Variants in IRX2 observed in about 807,000 individuals in gnomAD.
The protein encoded by IRX2 is iroquois-class homeodomain protein IRX-2.
In IRX2, 26 loss-of-function variants were observed where a neutral mutation model predicts 42.9. The observed-to-expected ratio is 0.61, with a 90% CI of 0.44 to 0.84. IRX2 has a LOEUF of 0.84. Ranked by LOEUF, IRX2 falls within the 40% of genes least tolerant of loss-of-function variation. The probability of loss-of-function intolerance (pLI) is 0.00; values close to 1 mark genes in which losing one functional copy is unlikely to be tolerated. For missense variants in IRX2, 782 were observed against 713.9 expected, an observed-to-expected ratio of 1.10 and a Z score of -1.09; for synonymous variants, 424 against 353.9, an observed-to-expected ratio of 1.20 and a Z score of -2.22.
In IRX2 at chr5:2,751,149, G is replaced by A; in HGVS notation, c.249+16C>T. ...CCGGCGCCCAGGAGTCCCGCGTCCC[G>A]CCCGCGCCCGGTTACCATGTAGGAC... is the stretch of plus-strand genomic sequence containing the variant. On this transcript the variant is annotated intron_variant, in intron 1 of 3. Transcript: ENST00000302057. This position sits in a 1 kb window ranked among gnomAD's most constrained non-coding sequence, Gnocchi z 4.0. The A allele has an allele frequency of 1.6e-6, 2 of 1,238,878 alleles. No homozygotes were observed. The highest frequency in any genetic ancestry group is 2.0e-6 in the Non-Finnish European group (2 of 990,068). 76.7% of individuals were successfully genotyped at this position (1,238,878 alleles called of 1,614,324 possible).
At chr5:2,745,987 C>T (rs914352642), downstream of IRX2, 1 of 148,304 alleles carries the variant, frequency 6.7e-6, no homozygotes, top group African/African-American at 2.5e-5. Flanking sequence ...ATGTTTCTCC[C>T]GATTATATAC....
At chr5:2,745,517 A>G (rs1054924939), downstream of IRX2, among the ~76,000 whole-genome samples, 1 of 152,224 alleles carries the variant, frequency 6.6e-6, no homozygotes, top group African/African-American at 2.4e-5. Flanking sequence ...GAAAGTGAGT[A>G]ACACAATAAA....
Position 2,748,885 on chromosome 5 carries a change from G to A in IRX2, c.823C>T (p.Arg275Trp), listed in dbSNP as rs1327431972. 2 of 1,595,256 alleles carry A rather than the reference G, an allele frequency of 1.3e-6. No individual in the cohort carries two copies. Among genetic ancestry groups the A allele is most frequent in the East Asian group, 2.2e-5 (1 of 44,662 alleles). ...ACGGGCTTGGGCGGCGCCAGGCCCC[G>A]CTCGCCCTCCTCGTCGTCGTCCTCG... ...DDEDDDEEGE[R>W]GLAPPKPVTS... The change falls in exon 3 of 4, where the codon CGG (arginine) becomes TGG (tryptophan). Residue 275 changes from arginine to tryptophan, a missense_variant. Arg to Trp is a moderately radical substitution (Grantham distance 101, BLOSUM62 -3). This residue lies in a region of IRX2 where 520 missense variants were observed against 437.8 expected (regional missense o/e 1.19). Transcript: ENST00000302057.
At chr5:2,739,116 T>C in the IRX2 span, among the ~76,000 whole-genome samples, 76,421 of 151,944 alleles carry the variant, frequency 0.5, 19,519 homozygotes, top group South Asian at 0.61. Context: ...TCAACGCGCT[T>C]TGTAGGGCCT....
the IRX2 span, among the ~76,000 whole-genome samples, chr5:2,739,198 G>A: frequency 6.6e-5 from 10 of 152,348 alleles, no homozygotes; most frequent in South Asian, 2.1e-3. Flanking sequence ...CCCGCGGGGA[G>A]CGGTGCAGAC....
In IRX2 at chr5:2,747,245, T is replaced by C. The variant is rs997868030; in HGVS notation, c.*319A>G. ...GTAGTGTGTAATATATATATACACA[T>C]GTACTATATATATACATGTACTATA... is the stretch of plus-strand genomic sequence containing the variant. On this transcript the variant is annotated 3_prime_UTR_variant, in exon 4 of 4. Coordinates refer to ENST00000302057, the MANE Select transcript of IRX2 (RefSeq NM_033267.5). 1 of 167,194 alleles carries C rather than the reference T, an allele frequency of 6.0e-6. No individual in the cohort carries two copies. Among genetic ancestry groups the C allele is most frequent in the Non-Finnish European group, 1.3e-5 (1 of 78,246 alleles). 10.4% of individuals were successfully genotyped at this position (167,194 alleles called of 1,614,324 possible).
chr5:2,736,439 T>C, the IRX2 span, among the ~76,000 whole-genome samples: 2 of 152,276 alleles, frequency 1.3e-5, no homozygotes, highest in African/African-American at 2.4e-5. Context: ...GGATAAGTTA[T>C]AGTGTGCATT....
chr5:2,749,105 G>C (rs1328655364), intron 2 of IRX2, 53 bp from the exon 3 acceptor site: 1 of 1,570,412 alleles, frequency 6.4e-7, no homozygotes, highest in Non-Finnish European at 8.6e-7. Flanking sequence ...CAGGCACCTG[G>C]AGCCCCCTCC....
downstream of IRX2, among the ~76,000 whole-genome samples, chr5:2,742,085 G>A (rs1023318091): frequency 6.6e-6 from 1 of 152,204 alleles, no homozygotes; most frequent in Non-Finnish European, 1.5e-5. Context: ...TCTGTTCCAA[G>A]GGTGGAGGGG....
Position 2,748,697 on chromosome 5 carries a change from C to T in IRX2, c.1011G>A (p.Thr337=). Residue 337 remains threonine, a synonymous_variant, in exon 3 of 4, where the codon ACG becomes ACA. Transcript: ENST00000302057. ...CCAGGCTCGGCTGCTTGAGGTCCGA[C>T]GTGGCGATCTCGGCCAGCGACCACA... ...PKLWSLAEIA[T]SDLKQPSLGP... The T allele has an allele frequency of 7.1e-7, 1 of 1,399,902 alleles. No homozygotes were observed. The highest frequency in any genetic ancestry group is 1.6e-5 in the South Asian group (1 of 63,722). The allele number at this position is 1,399,902 out of a possible 1,614,324, so 86.7% of individuals were successfully genotyped here.
chr5:2,744,077 T>A (rs911108640), downstream of IRX2, among the ~76,000 whole-genome samples: 4 of 21,942 alleles, frequency 1.8e-4, no homozygotes, highest in African/African-American at 5.1e-4. Context: ...TGGAGTCGTG[T>A]GTGTGTGTGT....
chr5:2,751,195 G>T lies in IRX2; in HGVS notation c.219C>A (p.Ala73=). The T allele has an allele frequency of 7.9e-7, 1 of 1,271,374 alleles. No individual in the cohort carries two copies. 78.8% of individuals were successfully genotyped at this position (1,271,374 alleles called of 1,614,324 possible). A position where few individuals can be genotyped will look rare whatever the true frequency, so the allele number is the denominator to read the frequency against. Residue 73 remains alanine, a synonymous_variant, in exon 1 of 4, where the codon GCC becomes GCA. Transcript: ENST00000302057. The surrounding 1 kb of genome is among the most constrained non-coding windows in gnomAD (Gnocchi z 4.0). The part of the protein sequence containing the change: ...GSPLQYSADA[A]AAAAGFPSYM... The stretch of plus-strand genomic sequence containing the variant: ...AGGACGGGAAGCCGGCGGCGGCGGC[G>T]GCGGCGTCGGCCGAGTACTGCAGCG...
chr5:2,745,664 A>G (rs1214576074), downstream of IRX2, among the ~76,000 whole-genome samples: 1 of 152,160 alleles, frequency 6.6e-6, no homozygotes, highest in Non-Finnish European at 1.5e-5. Context: ...ACAGTTAAGA[A>G]ATCCTTCCAT....
In IRX2 at chr5:2,747,441, C is replaced by A; in HGVS notation, c.*123G>T. On this transcript the variant is annotated 3_prime_UTR_variant, in exon 4 of 4. Coordinates refer to ENST00000302057, the MANE Select transcript of IRX2 (RefSeq NM_033267.5). Reference sequence around the variant, plus strand: ...AAAAGCTGGACAAGATTGAAATGCTCTGTCTTCTAACCCCATGACCAGAAG... The same window carrying A: ...AAAAGCTGGACAAGATTGAAATGCTATGTCTTCTAACCCCATGACCAGAAG... 6 of 719,920 alleles carry A rather than the reference C, an allele frequency of 8.3e-6. No homozygotes were observed. In the South Asian group the frequency reaches 1.2e-4, roughly 14 times the overall value. The allele number at this position is 719,920 out of a possible 1,614,324, so 44.6% of individuals were successfully genotyped here.
the IRX2 span, among the ~76,000 whole-genome samples, chr5:2,740,182 C>CG: frequency 2.9e-5 from 4 of 138,050 alleles, no homozygotes; most frequent in Non-Finnish European, 4.5e-5. Context: ...TCGTGGCGTG[C>CG]GGGGGCGGGG....
downstream of IRX2, among the ~76,000 whole-genome samples, chr5:2,740,848 C>T (rs1050292084): frequency 6.6e-6 from 1 of 152,170 alleles, no homozygotes; most frequent in African/African-American, 2.4e-5. Flanking sequence ...TGCACCGTCC[C>T]CCTTGCACGC....
chr5:2,744,442 G>T (rs898634025), downstream of IRX2, among the ~76,000 whole-genome samples: 2 of 152,112 alleles, frequency 1.3e-5, no homozygotes, highest in East Asian at 3.9e-4. Flanking sequence ...TAGGAAATAT[G>T]GGTAATATTA....
At chr5:2,744,468 G>A (rs950496326), downstream of IRX2, among the ~76,000 whole-genome samples, 3 of 152,134 alleles carry the variant, frequency 2.0e-5, no homozygotes, top group African/African-American at 4.8e-5. Context: ...AGTAAGCTAC[G>A]TAAGACCTTC....
In IRX2 at chr5:2,746,597, T is replaced by C. The variant is rs1360787818; in HGVS notation, c.*967A>G. ...CAACAAATTCACATATGTCCAACAA[T>C]AGTCTGTTCCAATTGTTAGAGTCTG... is the stretch of plus-strand genomic sequence containing the variant. On this transcript the variant is annotated 3_prime_UTR_variant, in exon 4 of 4. Transcript: ENST00000302057. 1 of 152,660 alleles carries C rather than the reference T, an allele frequency of 6.6e-6. No individual in the cohort carries two copies. Among genetic ancestry groups the C allele is most frequent in the Non-Finnish European group, 1.5e-5 (1 of 68,040 alleles). The allele number at this position is 152,660 out of a possible 1,614,324, so 9.5% of individuals were successfully genotyped here. A position where few individuals can be genotyped will look rare whatever the true frequency, so the allele number is the denominator to read the frequency against.
Sources: allele counts gnomAD v4.1 joint callset (sites outside exome capture counted in the v4.1 genomes callset), GRCh38; gene constraint gnomAD v4.1.1; regional missense constraint gnomAD v4.1.1; non-coding constraint Gnocchi (gnomAD v3.1); transcripts MANE v1.5; gene names NCBI Gene and HGNC (gene_info 2026-07-23, HGNC 2026-07-21).